Variants in NCKAP5 observed in about 807,000 individuals in gnomAD.
NCKAP5 encodes the protein nck-associated protein 5.
In NCKAP5, 92 loss-of-function variants were observed where a neutral mutation model predicts 167.0. The observed-to-expected ratio is 0.55, with a 90% CI of 0.47 to 0.66. The LOEUF is 0.66. NCKAP5 is among the 30% of genes least tolerant of loss of function. The pLI, the probability that NCKAP5 is intolerant of heterozygous loss-of-function variation, is 0.00. For missense variants in NCKAP5, 2,378 were observed against 2,315.0 expected, an observed-to-expected ratio of 1.03 and a Z score of -0.56; for synonymous variants, 891 against 877.4, an observed-to-expected ratio of 1.02 and a Z score of -0.27.
chr2:132,824,597 C>T (rs1042700884), intron 11 of NCKAP5, among the ~76,000 whole-genome samples: 2 of 152,198 alleles, frequency 1.3e-5, no homozygotes, highest in East Asian at 3.8e-4. Context: ...GTCACAAGTG[C>T]TGCCTATCAC....
chr2:133,166,455 G>A (rs1182072557), intron 5 of NCKAP5, among the ~76,000 whole-genome samples: 1 of 152,066 alleles, frequency 6.6e-6, no homozygotes, highest in Non-Finnish European at 1.5e-5. Context: ...TATTTAATTA[G>A]TGTTTTGGGG....
chr2:133,226,639 A>ACACACACACG (rs2086907240), intron 4 of NCKAP5, among the ~76,000 whole-genome samples: 1 of 151,638 alleles, frequency 6.6e-6, no homozygotes. Context: ...ACACACACAC[A>ACACACACACG]CAGGAAGAAC....
the NCKAP5 span, among the ~76,000 whole-genome samples, chr2:133,584,993 G>GGAAGGAAGGAAA: frequency 6.9e-5 from 10 of 144,418 alleles, no homozygotes; most frequent in East Asian, 1.9e-3. Flanking sequence ...AAGGAAGGAA[G>GGAAGGAAGGAAA]GAGGGAAAGA....
chr2:132,885,805 T>A (rs1415461379), intron 8 of NCKAP5, among the ~76,000 whole-genome samples: 1 of 152,240 alleles, frequency 6.6e-6, no homozygotes, highest in African/African-American at 2.4e-5. Flanking sequence ...ATGTTTAAAA[T>A]CTTTGTATAC....
chr2:133,195,201 A>G (rs1482663264), intron 5 of NCKAP5, among the ~76,000 whole-genome samples: 1 of 152,150 alleles, frequency 6.6e-6, no homozygotes, highest in East Asian at 1.9e-4. Context: ...TCAGATGGGC[A>G]CAAAATCAAG....
chr2:133,137,076 G>T (rs2082813654), intron 5 of NCKAP5, among the ~76,000 whole-genome samples: 1 of 152,122 alleles, frequency 6.6e-6, no homozygotes, highest in Admixed American at 6.6e-5. Flanking sequence ...AGTATGAAAT[G>T]GATCTAAATT....
chr2:133,500,279 A>G (rs1034553556), intron 3 of NCKAP5, among the ~76,000 whole-genome samples: 2 of 152,354 alleles, frequency 1.3e-5, no homozygotes, highest in Non-Finnish European at 2.9e-5. Context: ...TCAGTCAGAA[A>G]GTCTACCTCA....
At chr2:133,316,899 A>C (rs13400561) in intron 3 of NCKAP5, among the ~76,000 whole-genome samples, 27,806 of 152,182 alleles carry the variant, frequency 0.18, 2,656 homozygotes, top group Non-Finnish European at 0.22. Flanking sequence ...GAAAAGAAAC[A>C]CTAGCTCTAT....
chr2:133,030,989 A>G (rs1448897856), intron 6 of NCKAP5, among the ~76,000 whole-genome samples: 2 of 152,154 alleles, frequency 1.3e-5, no homozygotes, highest in African/African-American at 2.4e-5. Flanking sequence ...TTAAGGGACC[A>G]TCTGGATAAC....
At chr2:132,771,860 T>G (rs962169791) in intron 16 of NCKAP5, among the ~76,000 whole-genome samples, 1 of 145,492 alleles carries the variant, frequency 6.9e-6, no homozygotes, top group African/African-American at 2.5e-5. Context: ...TTTTTTTTTT[T>G]TTTTGTATTT....
intron 6 of NCKAP5, chr2:133,122,847 C>G (rs911917505): frequency 6.6e-6 from 1 of 152,002 alleles, no homozygotes; most frequent in African/African-American, 2.4e-5. Context: ...TTACTTCACC[C>G]AATAAGTAAG....
At chr2:133,009,680 G>A (rs1322169124) in intron 6 of NCKAP5, among the ~76,000 whole-genome samples, 2 of 152,132 alleles carry the variant, frequency 1.3e-5, no homozygotes, top group African/African-American at 2.4e-5. Flanking sequence ...ACTGCCAACT[G>A]TAGGAGACGG....
chr2:133,097,441 G>A (rs186016097), intron 6 of NCKAP5, among the ~76,000 whole-genome samples: 9 of 152,232 alleles, frequency 5.9e-5, no homozygotes, highest in Non-Finnish European at 1.0e-4. Context: ...TTATGCCATC[G>A]CAATTTAGTT....
intron 8 of NCKAP5, among the ~76,000 whole-genome samples, chr2:132,920,791 A>ATATATG (rs1558943466): frequency 1.1e-5 from 1 of 88,612 alleles, no homozygotes; most frequent in Non-Finnish European, 2.1e-5. Flanking sequence ...ATATATATAT[A>ATATATG]TATATATATA....
chr2:133,303,236 A>C (rs1680529987), intron 3 of NCKAP5, 126 bp from the exon 4 acceptor site: 1 of 650,336 alleles, frequency 1.5e-6, no homozygotes, highest in African/African-American at 1.8e-5. Context: ...CGGTTCTAGG[A>C]TTCTCTGCTT....
At chr2:133,417,403 T>G (rs745969592) in intron 3 of NCKAP5, among the ~76,000 whole-genome samples, 1 of 152,222 alleles carries the variant, frequency 6.6e-6, no homozygotes, top group Non-Finnish European at 1.5e-5. Context: ...TCCTAAAGAC[T>G]GCGCAGCCTG....
chr2:132,739,558 T>C (rs1307855704), intron 16 of NCKAP5, among the ~76,000 whole-genome samples: 1 of 152,124 alleles, frequency 6.6e-6, no homozygotes, highest in Non-Finnish European at 1.5e-5. Context: ...ACACTCAATA[T>C]ATTTCTATAA....
In NCKAP5 at chr2:133,167,959, A is replaced by C. The variant is rs115748083; in HGVS notation, c.208-37848T>G. ...AATGCTATAACATTATCATCATAACAGTGATAAGGTAATATTAATAGCTAA... is the reference window on the plus strand; with the variant it reads ...AATGCTATAACATTATCATCATAACCGTGATAAGGTAATATTAATAGCTAA... On this transcript the variant is annotated intron_variant, in intron 5 of 19. Transcript: ENST00000409261. Among the ~76,000 whole-genome samples the C allele has an allele frequency of 3.6e-3, 543 of 152,308 alleles. 4 individuals are homozygous for C. Among genetic ancestry groups the C allele is most frequent in the Non-Finnish European group, 6.1e-3 (415 of 68,030 alleles).
chr2:133,203,989 C>G, intron 5 of NCKAP5, among the ~76,000 whole-genome samples: 1 of 152,040 alleles, frequency 6.6e-6, no homozygotes, highest in East Asian at 1.9e-4. Flanking sequence ...TTTATGTAAC[C>G]TTTTGCTCAA....
Sources: gnomAD v4.1 joint callset for allele counts (sites outside exome capture counted in the v4.1 genomes callset) on GRCh38, gnomAD v4.1.1 for gene constraint, MANE v1.5 for transcripts, NCBI Gene and HGNC (gene_info 2026-07-23, HGNC 2026-07-21) for gene names.